Variants in MFNG observed in about 807,000 individuals in gnomAD.
The protein encoded by MFNG is beta-1,3-N-acetylglucosaminyltransferase manic fringe.
Under a neutral mutation model 34.2 loss-of-function variants are expected in MFNG, and 24 were observed. The observed-to-expected ratio is 0.70, with a 90% CI of 0.51 to 0.99. The LOEUF (loss-of-function observed/expected upper bound fraction) is 0.99. Ranked by LOEUF, MFNG falls within the 50% of genes least tolerant of loss-of-function variation. The pLI is 0.00. For missense variants in MFNG, 383 were observed against 424.0 expected, an observed-to-expected ratio of 0.90 and a Z score of 0.85; for synonymous variants, 158 against 179.2, an observed-to-expected ratio of 0.88 and a Z score of 0.94.
intron 7 of MFNG, among the ~76,000 whole-genome samples, chr22:37,471,659 C>T (rs534750030): frequency 3.6e-4 from 54 of 152,002 alleles, no homozygotes; most frequent in African/African-American, 1.0e-3. Context: ...GGTGAAACCC[C>T]GCCTCCACTA....
At chr22:37,477,699 C>G (rs1922104101) in intron 4 of MFNG, among the ~76,000 whole-genome samples, 1 of 152,186 alleles carries the variant, frequency 6.6e-6, no homozygotes, top group Non-Finnish European at 1.5e-5. Flanking sequence ...ATTCACCTGC[C>G]TCGGCCTCCC....
rs576131056 is a variant in MFNG at position 37,474,774 on chromosome 22, A to C, written c.648-97T>G. 130 of 1,351,444 alleles carry C rather than the reference A, an allele frequency of 9.6e-5. No homozygotes were observed. In the East Asian group the frequency reaches 3.0e-3, roughly 31 times the overall value. The allele number at this position is 1,351,444 out of a possible 1,614,324, so 83.7% of individuals were successfully genotyped here. A position where few individuals can be genotyped will look rare whatever the true frequency, so the allele number is the denominator to read the frequency against. ...AGGCCCTCCACTGGGACAAGCTGGC[A>C]GAACAGAGCACCTGCCTCCTGCATA... On this transcript the variant is annotated intron_variant, in intron 5 of 7. Coordinates refer to ENST00000356998, the MANE Select transcript of MFNG (RefSeq NM_002405.4).
At chr22:37,470,809 C>T (rs1322408286) in intron 7 of MFNG, among the ~76,000 whole-genome samples, 1 of 152,174 alleles carries the variant, frequency 6.6e-6, no homozygotes, top group Non-Finnish European at 1.5e-5. Context: ...ACGTCCCCAA[C>T]CAAATTTGAC....
rs1043899128 is a variant in MFNG at position 37,485,212 on chromosome 22, C to T, written c.255+711G>A. Among the ~76,000 whole-genome samples the T allele has an allele frequency of 6.6e-6, 1 of 151,838 alleles. No homozygotes were observed. Among genetic ancestry groups the T allele is most frequent in the Admixed American group, 6.5e-5 (1 of 15,280 alleles). The stretch of plus-strand genomic sequence containing the variant: ...ACACACACACACACACACAATCCCA[C>T]GTGCCAGGCAGGCCTCCCCAACCTC... On this transcript the variant is annotated intron_variant, in intron 1 of 7. Transcript: ENST00000356998. The surrounding 1 kb of genome is among the most constrained non-coding windows in gnomAD (Gnocchi z 5.3).
intron 5 of MFNG, among the ~76,000 whole-genome samples, chr22:37,475,074 C>A (rs1260078927): frequency 6.6e-6 from 1 of 152,188 alleles, no homozygotes; most frequent in Non-Finnish European, 1.5e-5. Flanking sequence ...CCAACAGCAG[C>A]CCCTATTCTG....
At chr22:37,478,764 C>T (rs544728962) in intron 4 of MFNG, among the ~76,000 whole-genome samples, 1 of 152,140 alleles carries the variant, frequency 6.6e-6, no homozygotes, top group Non-Finnish European at 1.5e-5. Flanking sequence ...CTGCAACCTC[C>T]GCCTCCTGGG....
intron 1 of MFNG, chr22:37,484,152 A>G (rs1391759885): frequency 6.6e-6 from 1 of 152,116 alleles, no homozygotes; most frequent in Non-Finnish European, 1.5e-5. Flanking sequence ...GCTCGCCTTG[A>G]GCACAAAACC....
chr22:37,479,820 A>G (rs1922209936), intron 3 of MFNG, among the ~76,000 whole-genome samples: 1 of 152,122 alleles, frequency 6.6e-6, no homozygotes, highest in African/African-American at 2.4e-5. Flanking sequence ...CCTGGCCAAC[A>G]TGGTGAAACC....
rs112395451 is a variant in MFNG, at chr22:37,485,183, G to GCACACACA, written c.255+732_255+739dup. The stretch of plus-strand genomic sequence containing the variant: ...GCACACTCCAGCTCCGTGCGTGTGA[G>GCACACACA]CACACACACACACACACACACAATC... On this transcript the variant is annotated intron_variant, in intron 1 of 7. Coordinates refer to ENST00000356998, the MANE Select transcript of MFNG (RefSeq NM_002405.4). This position sits in a 1 kb window ranked among gnomAD's most constrained non-coding sequence, Gnocchi z 5.3. Among the ~76,000 whole-genome samples, 544 of 149,992 alleles carry GCACACACA rather than the reference G, an allele frequency of 3.6e-3. 3 individuals are homozygous for GCACACACA. The highest frequency in any genetic ancestry group is 0.013 in the African/African-American group (513 of 40,982).
At chr22:37,478,899 GA>G (rs1224951854) in intron 4 of MFNG, among the ~76,000 whole-genome samples, 1 of 152,012 alleles carries the variant, frequency 6.6e-6, no homozygotes, top group African/African-American at 2.4e-5. Flanking sequence ...GGCTGGTCTC[GA>G]ACTCTTGACC....
intron 3 of MFNG, 31 bp downstream of exon 3, chr22:37,480,166 C>T: frequency 6.4e-7 from 1 of 1,565,054 alleles, no homozygotes; most frequent in South Asian, 1.1e-5. Flanking sequence ...GCCCAGACCA[C>T]ACTTATCCCC....
Position 37,469,856 on chromosome 22 carries a change from C to CCAGG in MFNG, c.*103_*106dup, listed in dbSNP as rs1223211570. ...GCTTGCCAACCACCCGAAGGCCCTG[C>CCAGG]CAGGGACTGCCTATCACAAGACACT... On this transcript the variant is annotated 3_prime_UTR_variant, in exon 8 of 8. Transcript: ENST00000356998. 1.1e-6 allele frequency: 1 copy of CCAGG among 929,908 alleles called. No homozygotes were observed. The highest frequency in any genetic ancestry group is 1.7e-6 in the Non-Finnish European group (1 of 579,822). The allele number at this position is 929,908 out of a possible 1,614,324, so 57.6% of individuals were successfully genotyped here. A position where few individuals can be genotyped will look rare whatever the true frequency, so the allele number is the denominator to read the frequency against.
intron 6 of MFNG, among the ~76,000 whole-genome samples, chr22:37,473,428 CAAA>C (rs796217351): frequency 1.4e-5 from 2 of 144,196 alleles, no homozygotes; most frequent in African/African-American, 5.1e-5. Flanking sequence ...GACTCTATCT[CAAA>C]AAAAAAAAGA....
chr22:37,475,053 G>C (rs1024725318), intron 5 of MFNG, among the ~76,000 whole-genome samples: 1 of 152,162 alleles, frequency 6.6e-6, no homozygotes, highest in Non-Finnish European at 1.5e-5. Context: ...AGAAAGAAAC[G>C]CTTCCTGCCC....
chr22:37,471,325 G>A (rs192291646), intron 7 of MFNG, among the ~76,000 whole-genome samples: 55 of 152,360 alleles, frequency 3.6e-4, no homozygotes, highest in African/African-American at 1.3e-3. Flanking sequence ...GTTGGGGCTA[G>A]TCCAGCTGCC....
At chr22:37,470,760 C>G (rs187836584) in intron 7 of MFNG, among the ~76,000 whole-genome samples, 1 of 152,298 alleles carries the variant, frequency 6.6e-6, no homozygotes, top group Non-Finnish European at 1.5e-5. Flanking sequence ...TCACAAGCGT[C>G]CAGACAGAGC....
intron 6 of MFNG, among the ~76,000 whole-genome samples, chr22:37,474,068 C>T (rs146643160): frequency 2.8e-4 from 43 of 152,240 alleles, no homozygotes; most frequent in Non-Finnish European, 5.7e-4. Context: ...GCAGGAACAG[C>T]ACTGAGCAAT....
Position 37,482,804 on chromosome 22 carries a change from C to T in MFNG, c.256-2035G>A, listed in dbSNP as rs1410114890. Among the ~76,000 whole-genome samples the T allele has an allele frequency of 6.6e-6, 1 of 152,162 alleles. No individual in the cohort carries two copies. The highest frequency in any genetic ancestry group is 2.4e-5 in the African/African-American group (1 of 41,448). ...CCTGTGCAGCATCCACCCTCTGAGC[C>T]TCTCTCCCTGGGGTCTGTCTCCCAC... On this transcript the variant is annotated intron_variant, in intron 1 of 7. Transcript: ENST00000356998. The surrounding 1 kb of genome is among the most constrained non-coding windows in gnomAD (Gnocchi z 4.1).
In MFNG at chr22:37,480,295, G is replaced by A. The variant is rs770803089; in HGVS notation, c.309C>T (p.Ser103=). ...PDKGLQERLG[S]HLVVTNCSAE... The stretch of plus-strand genomic sequence containing the variant: ...CGGAGCAGTTGGTGACCACAAGGTG[G>A]GACCCTGGAGAAGTGAGGAGGAGTC... The change falls in exon 3 of 8, where the codon TCC becomes TCT. Residue 103 remains serine, a synonymous_variant. Transcript: ENST00000356998. 1 of 1,613,398 alleles carries A rather than the reference G, an allele frequency of 6.2e-7. No individual in the cohort carries two copies. Among genetic ancestry groups the A allele is most frequent in the Admixed American group, 1.7e-5 (1 of 60,018 alleles).
Sources: allele counts gnomAD v4.1 joint callset (sites outside exome capture counted in the v4.1 genomes callset), GRCh38; gene constraint gnomAD v4.1.1; non-coding constraint Gnocchi (gnomAD v3.1); transcripts MANE v1.5; gene names NCBI Gene and HGNC (gene_info 2026-07-23, HGNC 2026-07-21).